Variants in ASXL3 observed in about 807,000 individuals in gnomAD.
ASXL3 encodes ASXL transcriptional regulator 3.
In ASXL3, 34 loss-of-function variants were observed where a neutral mutation model predicts 170.6. The ratio of observed to expected loss-of-function variants is 0.20; its 90% CI spans 0.15 to 0.27. ASXL3 has a LOEUF of 0.27. Ranked by LOEUF, ASXL3 falls within the 10% of genes least tolerant of loss-of-function variation. ASXL3 has a pLI of 1.00. For synonymous variants in ASXL3, 1,002 were observed against 989.1 expected (o/e 1.01, Z -0.24); for missense variants, 2,592 against 2,695.3 (o/e 0.96, Z 0.85).
intron 5 of ASXL3, among the ~76,000 whole-genome samples, chr18:33,663,038 T>G (rs968573402): frequency 2.6e-5 from 4 of 152,188 alleles, no homozygotes; most frequent in African/African-American, 9.6e-5. Context: ...TATTTCACCC[T>G]GCATAGGTCA....
intron 8 of ASXL3, among the ~76,000 whole-genome samples, chr18:33,713,955 A>G (rs1387835926): frequency 6.6e-6 from 1 of 152,174 alleles, no homozygotes; most frequent in Non-Finnish European, 1.5e-5. Context: ...GCTGGTCTCA[A>G]GTCATCATAG....
intron 8 of ASXL3, among the ~76,000 whole-genome samples, chr18:33,716,600 T>C (rs1227058284): frequency 1.3e-5 from 2 of 152,062 alleles, no homozygotes; most frequent in East Asian, 3.9e-4. Flanking sequence ...GTGTTTGGGA[T>C]TGGTGTAATT....
chr18:33,638,171 A>G (rs2065797674), intron 2 of ASXL3, among the ~76,000 whole-genome samples: 1 of 150,226 alleles, frequency 6.7e-6, no homozygotes, highest in South Asian at 2.1e-4. Flanking sequence ...GTGTGTGTAT[A>G]TATATATCTT....
chr18:33,734,593 TA>T (rs1269322480), intron 10 of ASXL3, among the ~76,000 whole-genome samples, 178 bp downstream of exon 10: 1 of 152,170 alleles, frequency 6.6e-6, no homozygotes, highest in African/African-American at 2.4e-5. Context: ...CTCAAATTTT[TA>T]AAAAATGCAT....
chr18:33,740,326 C>A lies in ASXL3; in HGVS notation c.2922C>A (p.Ile974=). ...RKTAEQHSFG[I]CKEKRARIED... ...CTGCAGAGCAACACAGCTTTGGAATCTGTAAGGAAAAGAGAGCTAGGATAG... is the reference window on the plus strand; with the variant it reads ...CTGCAGAGCAACACAGCTTTGGAATATGTAAGGAAAAGAGAGCTAGGATAG... The change falls in exon 11 of 12, where the codon ATC becomes ATA. Residue 974 remains isoleucine, a synonymous_variant. Transcript: ENST00000269197. 6.2e-7 allele frequency: 1 copy of A among 1,611,208 alleles called. No individual in the cohort carries two copies. The highest frequency in any genetic ancestry group is 2.2e-5 in the East Asian group (1 of 44,816).
chr18:33,653,994 C>T (rs1473466908), intron 4 of ASXL3, among the ~76,000 whole-genome samples: 2 of 151,936 alleles, frequency 1.3e-5, no homozygotes, highest in African/African-American at 4.8e-5. Flanking sequence ...CTTTTAGAGA[C>T]CTCTTTTTCT....
intron 8 of ASXL3, among the ~76,000 whole-genome samples, chr18:33,696,845 T>C (rs1332897439): frequency 6.6e-6 from 1 of 152,168 alleles, no homozygotes; most frequent in Non-Finnish European, 1.5e-5. Flanking sequence ...GCCTCAATGA[T>C]GTATCACCAA....
chr18:33,716,453 T>A (rs1480549173), intron 8 of ASXL3, among the ~76,000 whole-genome samples: 1 of 152,288 alleles, frequency 6.6e-6, no homozygotes, highest in East Asian at 1.9e-4. Flanking sequence ...TAGAATCTAT[T>A]TTGGGAAACA....
At chr18:33,631,068 A>C (rs867874955) in intron 2 of ASXL3, among the ~76,000 whole-genome samples, 1 of 152,042 alleles carries the variant, frequency 6.6e-6, no homozygotes, top group South Asian at 2.1e-4. Context: ...ACAAAGGAAA[A>C]GATGGAGATA....
chr18:33,659,114 A>G (rs1158668427), intron 4 of ASXL3, among the ~76,000 whole-genome samples: 1 of 152,056 alleles, frequency 6.6e-6, no homozygotes, highest in Non-Finnish European at 1.5e-5. Context: ...TGTAGCAGTT[A>G]CCCTCAGGAA....
intron 2 of ASXL3, among the ~76,000 whole-genome samples, chr18:33,638,302 A>G (rs1267480156): frequency 6.6e-6 from 1 of 152,006 alleles, no homozygotes; most frequent in Non-Finnish European, 1.5e-5. Context: ...ATCTCAAGCC[A>G]TTCTTTCGCC....
At chr18:33,584,411 A>G (rs1016966017) in intron 1 of ASXL3, among the ~76,000 whole-genome samples, 10 of 152,140 alleles carry the variant, frequency 6.6e-5, no homozygotes, top group African/African-American at 2.2e-4. Context: ...CTCACCCCCT[A>G]TTCTCCTTGC....
chr18:33,616,215 A>G (rs1223206106), intron 2 of ASXL3, among the ~76,000 whole-genome samples: 2 of 152,154 alleles, frequency 1.3e-5, no homozygotes, highest in African/African-American at 2.4e-5. Flanking sequence ...TCAGGTTTCA[A>G]GTTTTCAGCA....
At chr18:33,643,843 G>T (rs1441953377) in intron 2 of ASXL3, among the ~76,000 whole-genome samples, 1 of 151,828 alleles carries the variant, frequency 6.6e-6, no homozygotes, top group South Asian at 2.1e-4. Flanking sequence ...CTCAGAATGT[G>T]AATTAAATAC....
rs549021425 is a variant in ASXL3, at chr18:33,632,992, G to A, written c.138-11902G>A. Among the ~76,000 whole-genome samples the A allele has an allele frequency of 1.8e-4, 27 of 152,188 alleles. No homozygotes were observed. The South Asian group carries it at 3.5e-3, about 20-fold the overall frequency. ...CTGGAATCTGATTCCTATCCTATTC[G>A]CTCTTCTACTCCTCGCTCTGGAATC... On this transcript the variant is annotated intron_variant, in intron 2 of 11. Transcript: ENST00000269197.
Position 33,578,619 on chromosome 18 carries a change from A to G in ASXL3, c.-13A>G, listed in dbSNP as rs755614173. 8 of 1,330,484 alleles carry G rather than the reference A, an allele frequency of 6.0e-6. No homozygotes were observed. Among genetic ancestry groups the G allele is most frequent in the Non-Finnish European group, 5.9e-6 (6 of 1,013,374 alleles). The allele number at this position is 1,330,484 out of a possible 1,614,324, so 82.4% of individuals were successfully genotyped here. A position where few individuals can be genotyped will look rare whatever the true frequency, so the allele number is the denominator to read the frequency against. ...CCCCACGTCATCATCAGAACCATCA[A>G]TGAGATGCAAACATGAAAGACAAGA... On this transcript the variant is annotated 5_prime_UTR_variant, in exon 1 of 12. It removes an upstream start codon present in the reference 5' UTR. Transcript: ENST00000269197.
intron 1 of ASXL3, among the ~76,000 whole-genome samples, chr18:33,584,614 A>G (rs2065020640): frequency 6.6e-6 from 1 of 152,128 alleles, no homozygotes; most frequent in Non-Finnish European, 1.5e-5. Context: ...TCTTTACCAA[A>G]TGAGGCAAAG....
At chr18:33,610,116 C>A (rs542413161) in intron 2 of ASXL3, among the ~76,000 whole-genome samples, 2 of 152,094 alleles carry the variant, frequency 1.3e-5, no homozygotes, top group East Asian at 3.9e-4. Context: ...TTTATTTTGC[C>A]TACTTAATGT....
intron 7 of ASXL3, among the ~76,000 whole-genome samples, chr18:33,678,221 C>G (rs1427299686): frequency 6.6e-6 from 1 of 152,112 alleles, no homozygotes; most frequent in Non-Finnish European, 1.5e-5. Context: ...AGCCACTACA[C>G]CTAGCAGAGC....
Sources: gnomAD v4.1 joint callset for allele counts (sites outside exome capture counted in the v4.1 genomes callset) on GRCh38, gnomAD v4.1.1 for gene constraint, MANE v1.5 for transcripts, NCBI Gene and HGNC (gene_info 2026-07-23, HGNC 2026-07-21) for gene names.